Variants in SLC41A3 observed in about 807,000 individuals in gnomAD.
SLC41A3 encodes SLC41A1-like 2.
A neutral mutation model predicts 45.4 loss-of-function variants in SLC41A3; 44 were observed. That is an observed-to-expected ratio of 0.97 (90% confidence interval 0.76 to 1.25). The LOEUF (loss-of-function observed/expected upper bound fraction) is 1.25. SLC41A3 is among the 50% of genes most tolerant of loss of function. The probability of loss-of-function intolerance (pLI) is 0.00; values close to 1 mark genes in which losing one functional copy is unlikely to be tolerated. For synonymous variants in SLC41A3, 256 were observed against 252.4 expected (o/e 1.01, Z -0.13); for missense variants, 550 against 600.6 (o/e 0.92, Z 0.88).
At chr3:126,075,438 T>TC (rs1944834900) in intron 1 of SLC41A3, among the ~76,000 whole-genome samples, 1 of 85,130 alleles carries the variant, frequency 1.2e-5, no homozygotes, top group Admixed American at 1.0e-4. Flanking sequence ...ATTCCAGTGG[T>TC]CTTTTTTTTT....
At chr3:126,018,789 A>G (rs1483949510) in intron 6 of SLC41A3, among the ~76,000 whole-genome samples, 3 of 152,214 alleles carry the variant, frequency 2.0e-5, no homozygotes, top group Non-Finnish European at 2.9e-5. Flanking sequence ...CTCTGCCCTA[A>G]AGGTAGAAGT....
intron 5 of SLC41A3, chr3:126,024,042 T>G (rs938502406): frequency 6.6e-6 from 1 of 152,116 alleles, no homozygotes; most frequent in African/African-American, 2.4e-5. Context: ...GCTGATTCAG[T>G]GAGCTGGGGA....
Position 126,035,590 on chromosome 3 carries a change from C to T in SLC41A3, c.382-1912G>A, listed in dbSNP as rs117321782. Among the ~76,000 whole-genome samples, 187 of 152,292 alleles carry T rather than the reference C, an allele frequency of 1.2e-3. 2 individuals carry two copies. In the East Asian group the frequency reaches 0.034, roughly 27 times the overall value. On this transcript the variant is annotated intron_variant, in intron 3 of 10. Coordinates refer to ENST00000360370, the MANE Select transcript of SLC41A3 (RefSeq NM_017836.4). ...GATAACTGAGGGTGAAAAGCCAATGCGCAGGGCAAGGGAGCCGATGGAAAT... is the reference window on the plus strand; with the variant it reads ...GATAACTGAGGGTGAAAAGCCAATGTGCAGGGCAAGGGAGCCGATGGAAAT...
intron 3 of SLC41A3, among the ~76,000 whole-genome samples, chr3:126,043,042 G>A (rs1481809342): frequency 1.3e-5 from 2 of 150,210 alleles, no homozygotes; most frequent in African/African-American, 4.9e-5. Context: ...ATATAGAAAT[G>A]TAAGGTATAT....
Position 126,015,555 on chromosome 3 carries a change from C to A in SLC41A3, c.909G>T (p.Leu303Phe). Residue 303 changes from leucine (L) to phenylalanine (F), a missense_variant, in exon 8 of 11, where the codon TTG becomes TTT. By Grantham distance (22) the Leu-to-Phe change is conservative. Transcript: ENST00000360370. ...ACTGCTGTTTAGAAACGGTTTTGCTCAAGATGAGTCCTCCGAAACTGGGGA... is the reference window on the plus strand; with the variant it reads ...ACTGCTGTTTAGAAACGGTTTTGCTAAAGATGAGTCCTCCGAAACTGGGGA... ...MVISSFGGLILSKTVSKQQYK... is the reference protein window; with the variant it reads ...MVISSFGGLIFSKTVSKQQYK... 6.2e-7 allele frequency: 1 copy of A among 1,614,180 alleles called. No homozygotes were observed. Among genetic ancestry groups the A allele is most frequent in the South Asian group, 1.1e-5 (1 of 91,072 alleles).
intron 1 of SLC41A3, among the ~76,000 whole-genome samples, chr3:126,095,842 C>T (rs544460904): frequency 2.6e-5 from 4 of 152,300 alleles, no homozygotes; most frequent in African/African-American, 9.6e-5. Context: ...CATGGCCACA[C>T]TATGTTCAGA....
intron 2 of SLC41A3, among the ~76,000 whole-genome samples, chr3:126,059,005 C>A (rs1456463278): frequency 3.3e-5 from 5 of 151,608 alleles, no homozygotes; most frequent in Admixed American, 3.3e-4. Context: ...AAGACAGGTC[C>A]CACTTTTGCA....
intron 3 of SLC41A3, among the ~76,000 whole-genome samples, chr3:126,047,088 C>T (rs1943016441): frequency 6.6e-6 from 1 of 152,038 alleles, no homozygotes; most frequent in African/African-American, 2.4e-5. Context: ...TGCTGGCCAG[C>T]ACAGTGGCTC....
chr3:126,076,840 C>T (rs115294503), intron 1 of SLC41A3, among the ~76,000 whole-genome samples: 91 of 152,328 alleles, frequency 6.0e-4, no homozygotes, highest in Non-Finnish European at 1.0e-3. Context: ...TAACACTCCA[C>T]GGATTCTTTT....
At chr3:126,089,937 C>T (rs148550986) in intron 1 of SLC41A3, among the ~76,000 whole-genome samples, 4 of 151,506 alleles carry the variant, frequency 2.6e-5, no homozygotes, top group East Asian at 1.9e-4. Context: ...AGACAGCTCT[C>T]ATGAGCTGCT....
chr3:126,080,563 T>G (rs1437166532), intron 1 of SLC41A3, among the ~76,000 whole-genome samples: 5 of 152,178 alleles, frequency 3.3e-5, no homozygotes, highest in African/African-American at 1.2e-4. Context: ...TAATGGACAC[T>G]GGTAAGGATG....
rs999745572 is a variant in SLC41A3 at position 126,026,631 on chromosome 3, A to C, written c.454-152T>G. 17 of 1,045,040 alleles carry C rather than the reference A, an allele frequency of 1.6e-5. No homozygotes were observed. Among genetic ancestry groups the C allele is most frequent in the Non-Finnish European group, 2.3e-5 (17 of 724,760 alleles). The allele number at this position is 1,045,040 out of a possible 1,614,324, so 64.7% of individuals were successfully genotyped here. On this transcript the variant is annotated intron_variant, in intron 4 of 10. Coordinates refer to ENST00000360370, the MANE Select transcript of SLC41A3 (RefSeq NM_017836.4). The surrounding 1 kb of genome is among the most constrained non-coding windows in gnomAD (Gnocchi z 4.2). Reference sequence around the variant, plus strand: ...AAATCTCACAGGCCCTCACCCCAGGAAAAACTAATACCACACCCCACACCT... The same window carrying C: ...AAATCTCACAGGCCCTCACCCCAGGCAAAACTAATACCACACCCCACACCT...
chr3:126,037,357 G>T (rs534955635), intron 3 of SLC41A3, among the ~76,000 whole-genome samples: 40 of 152,328 alleles, frequency 2.6e-4, no homozygotes, highest in African/African-American at 8.7e-4. Context: ...GGAAAGTTTG[G>T]AACTTCGTAC....
At chr3:126,083,627 G>T (rs1297365697) in intron 1 of SLC41A3, among the ~76,000 whole-genome samples, 1 of 152,006 alleles carries the variant, frequency 6.6e-6, no homozygotes, top group Non-Finnish European at 1.5e-5. Flanking sequence ...GCGCGCGGGC[G>T]CTGCAGGAGT....
intron 1 of SLC41A3, among the ~76,000 whole-genome samples, chr3:126,090,028 C>CTTTTTTTTTTTTTT (rs59737864): frequency 2.0e-5 from 2 of 99,350 alleles, no homozygotes; most frequent in East Asian, 3.3e-4. Flanking sequence ...TCAAGAAAAT[C>CTTTTTTTTTTTTTT]TTTTTTTTTT....
At position 126,017,887 on chromosome 3, in the gene SLC41A3, T is replaced by C. The variant is rs548062794; in HGVS notation, c.746-1012A>G. On this transcript the variant is annotated intron_variant, in intron 6 of 10. Coordinates refer to ENST00000360370, the MANE Select transcript of SLC41A3 (RefSeq NM_017836.4). ...AGGAGGGCGTGGCCTCTGCAGGAGATATAAGCCAGGCCCAGCCACCTCTAA... is the reference window on the plus strand; with the variant it reads ...AGGAGGGCGTGGCCTCTGCAGGAGACATAAGCCAGGCCCAGCCACCTCTAA... Among the ~76,000 whole-genome samples, 13 of 152,264 alleles carry C rather than the reference T, an allele frequency of 8.5e-5. No homozygotes were observed. In the East Asian group the frequency reaches 2.1e-3, roughly 25 times the overall value.
chr3:126,059,621 G>A (rs1341708550), intron 2 of SLC41A3, among the ~76,000 whole-genome samples: 1 of 152,148 alleles, frequency 6.6e-6, no homozygotes, highest in African/African-American at 2.4e-5. Context: ...TCAAAGGCAG[G>A]CCGAGACCCT....
intron 2 of SLC41A3, among the ~76,000 whole-genome samples, chr3:126,065,731 A>G (rs1191531334): frequency 6.6e-6 from 1 of 152,240 alleles, no homozygotes; most frequent in Non-Finnish European, 1.5e-5. Flanking sequence ...AATGCATAGC[A>G]AAAAGCCACC....
At chr3:126,059,001 G>C (rs190527036) in intron 2 of SLC41A3, among the ~76,000 whole-genome samples, 3 of 151,528 alleles carry the variant, frequency 2.0e-5, no homozygotes, top group Admixed American at 6.6e-5. Context: ...CCTGAAGACA[G>C]GTCCCACTTT....
Sources: gnomAD v4.1 joint callset for allele counts (sites outside exome capture counted in the v4.1 genomes callset) on GRCh38, gnomAD v4.1.1 for gene constraint, Gnocchi (gnomAD v3.1) non-coding constraint, MANE v1.5 for transcripts, NCBI Gene and HGNC (gene_info 2026-07-23, HGNC 2026-07-21) for gene names.